Variants in ANK2 observed in about 807,000 individuals in gnomAD.
ANK2 encodes the protein ankyrin 2.
Under a neutral mutation model 360.5 loss-of-function variants are expected in ANK2, and 83 were observed. That is an observed-to-expected ratio of 0.23 (90% CI 0.19 to 0.28). ANK2 has a LOEUF of 0.28. ANK2 is among the 10% of genes least tolerant of loss of function. The pLI is 1.00. For synonymous variants in ANK2, 1,740 were observed against 1,759.5 expected (o/e 0.99, Z 0.28); for missense variants, 4,201 against 4,795.7 (o/e 0.88, Z 3.66).
At chr4:112,958,623 G>C (rs2032708506) in intron 2 of ANK2, among the ~76,000 whole-genome samples, 2 of 151,718 alleles carry the variant, frequency 1.3e-5, no homozygotes, top group African/African-American at 4.8e-5. Context: ...GAGGGAGAGG[G>C]GGGAGAGGGA....
At chr4:112,909,104 C>A (rs923671626) in intron 2 of ANK2, among the ~76,000 whole-genome samples, 1 of 152,126 alleles carries the variant, frequency 6.6e-6, no homozygotes, top group African/African-American at 2.4e-5. Context: ...GAATAGAATA[C>A]CTTGCATTAA....
At chr4:112,867,785 G>A (rs1401041060) in intron 1 of ANK2, among the ~76,000 whole-genome samples, 2 of 150,168 alleles carry the variant, frequency 1.3e-5, no homozygotes, top group Non-Finnish European at 3.0e-5. Context: ...AGCACATTTT[G>A]TTTATTCATT....
chr4:113,199,371 T>C (rs566758769), intron 4 of ANK2, among the ~76,000 whole-genome samples: 2 of 152,268 alleles, frequency 1.3e-5, no homozygotes, highest in African/African-American at 4.8e-5. Flanking sequence ...TATAAAGTGA[T>C]TTTTTTCAGA....
At chr4:113,135,062 G>A (rs1389138576) in intron 1 of ANK2, among the ~76,000 whole-genome samples, 1 of 152,176 alleles carries the variant, frequency 6.6e-6, no homozygotes, top group African/African-American at 2.4e-5. Flanking sequence ...ATTTGAATGG[G>A]TTGTTGGTCA....
rs754680934 is a variant in ANK2 at position 112,890,556 on chromosome 4, G to GTTTTTTTTTTTTT, written c.-39-13883_-39-13871dup. On this transcript the variant is annotated intron_variant, in intron 1 of 30. Coordinates refer to the ANK2 transcript ENST00000503271. ...GGAATTTATGATATACATTTCTGTG[G>GTTTTTTTTTTTTT]TTTTTTTTTTTTTTTTTTTTTTTTT... Among the ~76,000 whole-genome samples, 19 of 67,468 alleles carry GTTTTTTTTTTTTT rather than the reference G, an allele frequency of 2.8e-4. 1 individual carries two copies. Among genetic ancestry groups the GTTTTTTTTTTTTT allele is most frequent in the Non-Finnish European group, 3.5e-4 (14 of 39,606 alleles). The allele number at this position is 67,468 out of a possible 152,430, so 44.3% of individuals were successfully genotyped here. A position where few individuals can be genotyped will look rare whatever the true frequency, so the allele number is the denominator to read the frequency against.
intron 2 of ANK2, among the ~76,000 whole-genome samples, chr4:112,941,588 G>T (rs977107946): frequency 7.3e-6 from 1 of 136,130 alleles, no homozygotes; most frequent in Non-Finnish European, 1.6e-5. Context: ...ATATAAAAAG[G>T]ATATATAAAG....
At chr4:112,879,278 C>T (rs2076074864) in intron 1 of ANK2, among the ~76,000 whole-genome samples, 1 of 152,172 alleles carries the variant, frequency 6.6e-6, no homozygotes, top group African/African-American at 2.4e-5. Flanking sequence ...TTCTGAGGTT[C>T]AGTCATAAAT....
intron 2 of ANK2, among the ~76,000 whole-genome samples, chr4:112,991,033 T>C (rs1342517945): frequency 6.6e-6 from 1 of 152,052 alleles, no homozygotes; most frequent in Non-Finnish European, 1.5e-5. Context: ...GGGTGCATCA[T>C]GAGGTCAAGA....
chr4:113,133,235 C>A (rs1219531158), intron 1 of ANK2, among the ~76,000 whole-genome samples: 3 of 152,046 alleles, frequency 2.0e-5, no homozygotes, highest in African/African-American at 7.2e-5. Flanking sequence ...AAAGTTTGAC[C>A]TTTTATTCTG....
At chr4:112,923,117 CA>C (rs2091914980) in intron 2 of ANK2, among the ~76,000 whole-genome samples, 1 of 152,084 alleles carries the variant, frequency 6.6e-6, no homozygotes, top group Non-Finnish European at 1.5e-5. Flanking sequence ...CTATCTTTAA[CA>C]TTTTTATATT....
At chr4:113,160,397 C>T (rs961428496) in intron 1 of ANK2, 10 of 409,044 alleles carry the variant, frequency 2.4e-5, no homozygotes, top group African/African-American at 1.9e-4. Context: ...CAAATGTAAT[C>T]TTAGGCAATG....
chr4:112,849,004 G>A lies in ANK2; in HGVS notation c.-40+30740G>A, dbSNP rs183684408. Among the ~76,000 whole-genome samples, 65 of 152,326 alleles carry A rather than the reference G, an allele frequency of 4.3e-4. 1 individual carries two copies. The highest frequency in any genetic ancestry group is 7.2e-4 in the Admixed American group (11 of 15,298). ...TCTGCAAAATTGCATTTATCCTGGA[G>A]TGTTTTGTTTTGGCATCAGTGGGAT... On this transcript the variant is annotated intron_variant, in intron 1 of 30. Transcript: ENST00000503271.
the ANK2 span, among the ~76,000 whole-genome samples, chr4:112,795,113 A>G: frequency 6.6e-6 from 1 of 152,174 alleles, no homozygotes; most frequent in Non-Finnish European, 1.5e-5. Flanking sequence ...CTTTGCAATA[A>G]TAGAAGTAGG....
chr4:113,166,801 C>A (rs766977609), intron 1 of ANK2, among the ~76,000 whole-genome samples: 13 of 152,016 alleles, frequency 8.6e-5, no homozygotes, highest in Non-Finnish European at 1.6e-4. Flanking sequence ...ATCTCTGAAC[C>A]AGATCTGGTC....
the ANK2 span, among the ~76,000 whole-genome samples, chr4:112,713,226 T>C: frequency 6.6e-6 from 1 of 152,160 alleles, no homozygotes; most frequent in Non-Finnish European, 1.5e-5. Context: ...TAGTATTCCA[T>C]CGTATGGGTG....
chr4:113,306,946 G>A (rs1202663057), intron 23 of ANK2, among the ~76,000 whole-genome samples: 1 of 152,236 alleles, frequency 6.6e-6, no homozygotes, highest in African/African-American at 2.4e-5. Context: ...AACCAAAGAT[G>A]TGAAGGTAAT....
intron 1 of ANK2, among the ~76,000 whole-genome samples, chr4:113,124,860 T>C (rs2095569838): frequency 6.6e-6 from 1 of 152,132 alleles, no homozygotes; most frequent in Admixed American, 6.6e-5. Context: ...CTGGGTGTGG[T>C]GGCTCATGTC....
At chr4:113,288,825 G>T (rs975497017) in intron 20 of ANK2, among the ~76,000 whole-genome samples, 1 of 151,698 alleles carries the variant, frequency 6.6e-6, no homozygotes, top group Non-Finnish European at 1.5e-5. Flanking sequence ...CCCCTCCCCT[G>T]ACCCCTTCTC....
intron 1 of ANK2, among the ~76,000 whole-genome samples, chr4:113,131,114 TA>T (rs2096000695): frequency 1.3e-5 from 2 of 152,218 alleles, no homozygotes; most frequent in Non-Finnish European, 2.9e-5. Flanking sequence ...TGAATAGTTT[TA>T]TTAACTACTA....
Sources: allele counts gnomAD v4.1 joint callset (sites outside exome capture counted in the v4.1 genomes callset), GRCh38; gene constraint gnomAD v4.1.1; transcripts MANE v1.5; gene names NCBI Gene and HGNC (gene_info 2026-07-23, HGNC 2026-07-21).